Variants in TTC39A observed in about 807,000 individuals in gnomAD.
The protein encoded by TTC39A is tetratricopeptide repeat protein 39A.
Under a neutral mutation model 82.3 loss-of-function variants are expected in TTC39A, and 46 were observed. That is an observed-to-expected ratio of 0.56 (90% CI 0.44 to 0.71). TTC39A has a LOEUF of 0.71. Among genes scored for constraint, TTC39A ranks in the 30% least tolerant of loss-of-function variants. The pLI is 0.00. For missense variants in TTC39A, 543 were observed against 712.9 expected (o/e 0.76, Z 2.71); for synonymous variants, 254 against 275.2 (o/e 0.92, Z 0.76).
chr1:51,325,288 G>A (rs1178125131), intron 1 of TTC39A, among the ~76,000 whole-genome samples: 1 of 151,070 alleles, frequency 6.6e-6, no homozygotes, highest in Non-Finnish European at 1.5e-5. Flanking sequence ...TGTCACTTCT[G>A]GACTTAAAAT....
Position 51,290,498 on chromosome 1 carries a change from G to A in TTC39A, c.1378+16C>T. The A allele has an allele frequency of 6.2e-7, 1 of 1,610,286 alleles. No homozygotes were observed. Among genetic ancestry groups the A allele is most frequent in the Non-Finnish European group, 8.5e-7 (1 of 1,177,554 alleles). On this transcript the variant is annotated intron_variant, in intron 15 of 17. Transcript: ENST00000680483. The stretch of plus-strand genomic sequence containing the variant: ...CTGACCTAGCATGGCAGGCCCAAGG[G>A]CCTGAGGGAAGTCACCTGGGCCTTT...
Position 51,290,092 on chromosome 1 carries a change from C to T in TTC39A, c.1406G>A (p.Cys469Tyr). 6.2e-7 allele frequency: 1 copy of T among 1,613,960 alleles called. No homozygotes were observed. Among genetic ancestry groups the T allele is most frequent in the Non-Finnish European group, 8.5e-7 (1 of 1,179,874 alleles). The change falls in exon 16 of 18, where the codon TGC becomes TAC. Residue 469 changes from cysteine to tyrosine, a missense_variant. Cys to Tyr is a radical substitution (Grantham distance 194). Transcript: ENST00000680483. ...PENEYSVDDE[C>Y]LVKLLKGLCL... ...CAGGCCTTTCAACAATTTCACCAAG[C>T]ACTCGTCATCCACTGAGTACTCGTT...
intron 7 of TTC39A, chr1:51,305,409 G>A (rs1326961959): frequency 2.7e-5 from 11 of 410,762 alleles, no homozygotes; most frequent in Non-Finnish European, 4.6e-6. Flanking sequence ...TCTTCCCTGG[G>A]AAGCTCCTCC....
rs1004714931 is a variant in TTC39A at position 51,345,011 on chromosome 1, G to A, written c.33C>T (p.Ala11=). The A allele has an allele frequency of 3.3e-5, 50 of 1,523,138 alleles. No individual in the cohort carries two copies. The Admixed American group carries it at 6.7e-4, about 21-fold the overall frequency. The allele number at this position is 1,523,138 out of a possible 1,614,324, so 94.4% of individuals were successfully genotyped here. Residue 11 remains alanine (A), a synonymous_variant, in exon 1 of 6, where the codon GCC becomes GCT. Transcript: ENST00000401051. ...GGTACCTGCGGTCGCTTTTCCCGGAGGCCGCCTCCTTCCAGGTGGTCAGAA... is the reference window on the plus strand; with the variant it reads ...GGTACCTGCGGTCGCTTTTCCCGGAAGCCGCCTCCTTCCAGGTGGTCAGAA...
At chr1:51,304,397 C>T (rs1356011888) in intron 8 of TTC39A, among the ~76,000 whole-genome samples, 1 of 152,096 alleles carries the variant, frequency 6.6e-6, no homozygotes, top group African/African-American at 2.4e-5. Context: ...TTTATCTGGT[C>T]CATTAACAAG....
chr1:51,292,818 G>C (rs1557697003), intron 14 of TTC39A, among the ~76,000 whole-genome samples: 1 of 152,078 alleles, frequency 6.6e-6, no homozygotes, highest in African/African-American at 2.4e-5. Context: ...AAATAAGTTA[G>C]AGAAAAAACA....
At position 51,290,633 on chromosome 1, in the gene TTC39A, CA is replaced by C. The variant is rs764098246; in HGVS notation, c.1267-9del. 6.2e-7 allele frequency: 1 copy of C among 1,609,826 alleles called. No individual in the cohort carries two copies. Among genetic ancestry groups the C allele is most frequent in the Non-Finnish European group, 8.5e-7 (1 of 1,177,876 alleles). ...CCAGATGTACATCATTTCCTGAAGG[CA>C]GGGGGGCAAGTCAGTCCTAGGTTTC... On this transcript the variant is annotated splice_polypyrimidine_tract_variant and intron_variant, in intron 14 of 17. Transcript: ENST00000680483.
intron 12 of TTC39A, 32 bp downstream of exon 12, chr1:51,301,540 C>G: frequency 6.4e-6 from 10 of 1,566,168 alleles, no homozygotes; most frequent in Non-Finnish European, 8.7e-6. Context: ...GCCCTGGTCA[C>G]CCAATGCCCC....
chr1:51,302,464 G>T (rs1451101047), intron 10 of TTC39A, 42 bp downstream of exon 10: 8 of 1,606,922 alleles, frequency 5.0e-6, no homozygotes, highest in Non-Finnish European at 6.8e-6. Flanking sequence ...GGGTCTGTGG[G>T]TGTTTGTGGG....
Position 51,303,187 on chromosome 1 carries a change from A to C in TTC39A, c.660T>G (p.Tyr220Ter). The C allele has an allele frequency of 9.6e-7, 1 of 1,038,070 alleles. No homozygotes were observed. Among genetic ancestry groups the C allele is most frequent in the Non-Finnish European group, 1.4e-6 (1 of 727,428 alleles). 64.3% of individuals were successfully genotyped at this position (1,038,070 alleles called of 1,614,324 possible). The change falls in exon 9 of 18, where the codon TAT becomes TAG. Residue 220 changes from tyrosine to a stop codon, truncating the protein, a stop_gained. Transcript: ENST00000680483. LOFTEE classifies it high-confidence loss of function. ...EFVGFSGNKD[Y>*]GLLQLEEGAS... The stretch of plus-strand genomic sequence containing the variant: ...CTCCCTCCTCCAGCTGCAGCAGCCC[A>C]TAGTCCTGAGGGGATGGGAGGGTGG...
At position 51,311,273 on chromosome 1, in the gene TTC39A, G is replaced by A; in HGVS notation, c.404C>T (p.Ala135Val). 6.3e-7 allele frequency: 1 copy of A among 1,586,010 alleles called. No individual in the cohort carries two copies. The highest frequency in any genetic ancestry group is 1.8e-5 in the Admixed American group (1 of 55,778). ...CCCTACCTGCAGGAAGGTCAGGGCT[G>A]CTCGCTGCAGCAGGCACTCTGCATA... ...VCYAECLLQR[A>V]ALTFLQDENM... The change falls in exon 5 of 18, where the codon GCA becomes GTA. Residue 135 changes from alanine to valine, a missense_variant. Physicochemically the swap from Ala to Val is moderately conservative, Grantham distance 64. Coordinates refer to ENST00000680483, the MANE Select transcript of TTC39A (RefSeq NM_001297663.2).
upstream of TTC39A, chr1:51,330,686 C>T (rs1398698766): frequency 1.2e-5 from 11 of 936,934 alleles, no homozygotes; most frequent in Non-Finnish European, 1.1e-5. The surrounding 1 kb of genome is among the most constrained non-coding windows in gnomAD (Gnocchi z 4.5). Context: ...GACCCGCGCT[C>T]CCGCACCGCC....
intron 6 of TTC39A, among the ~76,000 whole-genome samples, chr1:51,308,997 C>A (rs538313314): frequency 6.6e-6 from 1 of 152,334 alleles, no homozygotes; most frequent in South Asian, 2.1e-4. Flanking sequence ...TGTGCAGAAT[C>A]TGTGTCTTAT....
At chr1:51,345,110 C>T in exon 1 of TTC39A, 2 of 1,182,332 alleles carry the variant, frequency 1.7e-6, no homozygotes, top group Non-Finnish European at 2.1e-6. Flanking sequence ...GCCGTGGAGG[C>T]TACAGTGGCA....
At chr1:51,296,732 C>G (rs898226319) in intron 12 of TTC39A, 3 of 164,090 alleles carry the variant, frequency 1.8e-5, no homozygotes, top group Admixed American at 1.7e-4. Context: ...CCAGGCACAC[C>G]ACATCCAGCA....
chr1:51,307,798 G>C (rs989938956), intron 6 of TTC39A, among the ~76,000 whole-genome samples: 6 of 149,314 alleles, frequency 4.0e-5, no homozygotes, highest in Admixed American at 6.7e-5. Context: ...TTTTTACTGT[G>C]ATAAATATAC....
Position 51,337,320 on chromosome 1 carries a change from G to A in TTC39A, c.53+7671C>T, listed in dbSNP as rs893975432. On this transcript the variant is annotated intron_variant, in intron 1 of 5. Transcript: ENST00000401051. The stretch of plus-strand genomic sequence containing the variant: ...TCAGGCCCTTTGGACTTGCTATTCC[G>A]TCTGCCTGGAATGCTCTTCTCACAC... 2.0e-5 allele frequency among the ~76,000 whole-genome samples: 3 copies of A among 151,754 alleles called. No individual in the cohort carries two copies. In the South Asian group the frequency reaches 6.2e-4, roughly 32 times the overall value.
intron 1 of TTC39A, among the ~76,000 whole-genome samples, chr1:51,343,437 C>T (rs548497978): frequency 6.6e-6 from 1 of 152,334 alleles, no homozygotes; most frequent in African/African-American, 2.4e-5. Flanking sequence ...TCTCAGTGAT[C>T]TTCCATCACT....
At chr1:51,303,684 T>C (rs1479277627) in intron 8 of TTC39A, among the ~76,000 whole-genome samples, 1 of 152,194 alleles carries the variant, frequency 6.6e-6, no homozygotes, top group Non-Finnish European at 1.5e-5. Flanking sequence ...CCCCTCTGTC[T>C]GTCCTCCAGA....
Sources: allele counts gnomAD v4.1 joint callset (sites outside exome capture counted in the v4.1 genomes callset), GRCh38; gene constraint gnomAD v4.1.1; non-coding constraint Gnocchi (gnomAD v3.1); transcripts MANE v1.5; gene names NCBI Gene and HGNC (gene_info 2026-07-23, HGNC 2026-07-21).